RNF144A: variants seen among roughly 807,000 people sequenced by gnomAD.
RNF144A encodes ring finger protein 144A, also known as E3 ubiquitin-protein ligase RNF144A.
RNF144A carries 11 observed loss-of-function variants against 38.7 expected under a neutral mutation model. The ratio of observed to expected loss-of-function variants is 0.28; its 90% CI spans 0.18 to 0.47. The LOEUF is 0.47. Ranked by LOEUF, RNF144A falls within the 20% of genes least tolerant of loss-of-function variation. The pLI is 0.99. For synonymous variants in RNF144A, 149 were observed against 143.9 expected (o/e 1.04, Z -0.25); for missense variants, 316 against 377.2 (o/e 0.84, Z 1.34).
intron 2 of RNF144A, among the ~76,000 whole-genome samples, chr2:6,985,727 C>T (rs891561770): frequency 7.2e-5 from 11 of 152,220 alleles, no homozygotes; most frequent in African/African-American, 2.4e-4. Context: ...GGCTGGAGTG[C>T]AGTGGCGCCA....
At chr2:7,030,040 G>A (rs950033568) in intron 7 of RNF144A, 86 bp from the exon 8 acceptor site, 2 of 923,070 alleles carry the variant, frequency 2.2e-6, no homozygotes, top group South Asian at 1.4e-5. Flanking sequence ...ATGAGCATAG[G>A]AGAAGAAATG....
intron 6 of RNF144A, among the ~76,000 whole-genome samples, chr2:7,059,496 C>T (rs1673871969): frequency 1.3e-5 from 2 of 152,178 alleles, no homozygotes; most frequent in South Asian, 2.1e-4. Flanking sequence ...CATCTATGCT[C>T]ATGTTGTCTG....
In RNF144A at chr2:6,999,773, G is replaced by A. The variant is rs546803412; in HGVS notation, c.135+2712G>A. On this transcript the variant is annotated intron_variant, in intron 3 of 8. Transcript: ENST00000320892. ...TTTCTCATTTTGCTTCTAAGTTTGG[G>A]TTTAGAACTGCAGGAATAAAAACAG... is the stretch of plus-strand genomic sequence containing the variant. Among the ~76,000 whole-genome samples the A allele has an allele frequency of 2.0e-5, 3 of 152,304 alleles. No individual in the cohort carries two copies. The East Asian group carries it at 5.8e-4, about 29-fold the overall frequency.
At chr2:6,994,939 G>A (rs1374125407) in intron 2 of RNF144A, among the ~76,000 whole-genome samples, 2 of 152,136 alleles carry the variant, frequency 1.3e-5, no homozygotes, top group Non-Finnish European at 2.9e-5. Flanking sequence ...CCTCGAATCT[G>A]GCTCATTTCT....
intron 8 of RNF144A, among the ~76,000 whole-genome samples, chr2:7,036,886 C>G (rs1284385016): frequency 1.3e-5 from 2 of 152,114 alleles, no homozygotes; most frequent in East Asian, 1.9e-4. Flanking sequence ...AAACCTGGGT[C>G]GGACATTGAT....
intron 6 of RNF144A, among the ~76,000 whole-genome samples, chr2:7,058,017 G>T (rs1054737926): frequency 6.6e-6 from 1 of 152,198 alleles, no homozygotes; most frequent in Non-Finnish European, 1.5e-5. Flanking sequence ...TCTGACATGT[G>T]CCAGGTGCTT....
chr2:6,997,307 G>A (rs1572366255), intron 3 of RNF144A, among the ~76,000 whole-genome samples: 1 of 152,168 alleles, frequency 6.6e-6, no homozygotes, highest in Non-Finnish European at 1.5e-5. Flanking sequence ...TTAGAAGCTC[G>A]TGATAACAAT....
intron 1 of RNF144A, among the ~76,000 whole-genome samples, chr2:6,918,886 C>A (rs1264595044): frequency 6.6e-6 from 1 of 151,852 alleles, no homozygotes; most frequent in Non-Finnish European, 1.5e-5. Flanking sequence ...CCCAGTGGAT[C>A]CCTGCTGCCC....
In RNF144A at chr2:7,042,382, TG is replaced by T. The variant is rs1673100152; in HGVS notation, c.*2623del. 5.1e-6 allele frequency: 5 copies of T among 985,306 alleles called. No homozygotes were observed. In the South Asian group the frequency reaches 2.3e-4, roughly 46 times the overall value. The allele number at this position is 985,306 out of a possible 1,614,324, so 61.0% of individuals were successfully genotyped here. On this transcript the variant is annotated 3_prime_UTR_variant, in exon 9 of 9. Transcript: ENST00000320892. ...GTGAAGCGGCATAATTTGTCTCCAT[TG>T]AAAAATGGCATTCACTCTTACAGAT...
downstream of RNF144A, among the ~76,000 whole-genome samples, chr2:7,072,737 T>C (rs943999762): frequency 1.3e-5 from 2 of 152,182 alleles, no homozygotes; most frequent in Admixed American, 6.5e-5. Context: ...AAGCAAACAA[T>C]AGATATTTGT....
At chr2:7,036,183 G>A (rs560591670) in intron 8 of RNF144A, among the ~76,000 whole-genome samples, 41 of 152,328 alleles carry the variant, frequency 2.7e-4, no homozygotes, top group African/African-American at 5.1e-4. Flanking sequence ...ATCAGCCATC[G>A]TGTGGAGGAG....
At chr2:6,977,797 G>A (rs1668402043) in intron 2 of RNF144A, among the ~76,000 whole-genome samples, 1 of 152,198 alleles carries the variant, frequency 6.6e-6, no homozygotes, top group African/African-American at 2.4e-5. Context: ...CCTCATTGGG[G>A]TGTCTATTCT....
chr2:6,951,337 A>G (rs959673170), intron 2 of RNF144A, among the ~76,000 whole-genome samples: 9 of 151,570 alleles, frequency 5.9e-5, no homozygotes, highest in East Asian at 1.9e-4. Context: ...CTCTGTGTCA[A>G]TGCAGCCTGC....
intron 1 of RNF144A, among the ~76,000 whole-genome samples, chr2:6,938,030 G>C (rs1403181341): frequency 6.6e-6 from 1 of 152,176 alleles, no homozygotes; most frequent in Non-Finnish European, 1.5e-5. Flanking sequence ...AGGCAGAGGG[G>C]GAGAGAGAAA....
chr2:6,989,864 C>G (rs1476961369), intron 2 of RNF144A, among the ~76,000 whole-genome samples: 3 of 151,922 alleles, frequency 2.0e-5, no homozygotes, highest in Non-Finnish European at 4.4e-5. Context: ...CAGTAGATAC[C>G]CTTTTCTTAA....
At chr2:6,928,719 G>A (rs1665031953) in intron 1 of RNF144A, among the ~76,000 whole-genome samples, 1 of 152,178 alleles carries the variant, frequency 6.6e-6, no homozygotes. Flanking sequence ...GAAACCTGTG[G>A]CTTTCGCTAG....
intron 6 of RNF144A, among the ~76,000 whole-genome samples, chr2:7,055,168 T>G (rs1572487572): frequency 6.6e-6 from 1 of 152,166 alleles, no homozygotes; most frequent in Admixed American, 6.5e-5. Flanking sequence ...GCTTTGTGCC[T>G]TCTCTTCTCT....
At chr2:6,926,161 C>A (rs1422403563) in intron 1 of RNF144A, among the ~76,000 whole-genome samples, 1 of 152,188 alleles carries the variant, frequency 6.6e-6, no homozygotes, top group Admixed American at 6.5e-5. Flanking sequence ...CCCCATCATG[C>A]AAAAGGGCTG....
At chr2:6,927,291 G>A (rs1572197248) in intron 1 of RNF144A, among the ~76,000 whole-genome samples, 4 of 152,210 alleles carry the variant, frequency 2.6e-5, no homozygotes, top group Admixed American at 1.3e-4. Flanking sequence ...CTGCTGATTG[G>A]CCGAGGGAAG....
Sources: allele counts gnomAD v4.1 joint callset (sites outside exome capture counted in the v4.1 genomes callset), GRCh38; gene constraint gnomAD v4.1.1; transcripts MANE v1.5; gene names NCBI Gene and HGNC (gene_info 2026-07-23, HGNC 2026-07-21).